MTUS1: variants seen among roughly 807,000 people sequenced by gnomAD.
MTUS1 encodes microtubule-associated tumor suppressor 1.
A neutral mutation model predicts 120.8 loss-of-function variants in MTUS1; 109 were observed. That is an observed-to-expected ratio of 0.90 (90% confidence interval 0.77 to 1.06). MTUS1 has a LOEUF of 1.06. Ranked by LOEUF, MTUS1 falls within the 50% of genes least tolerant of loss-of-function variation. MTUS1 has a pLI of 0.00. For missense variants in MTUS1, 2,210 were observed against 1,486.3 expected (o/e 1.49, Z -8.01); for synonymous variants, 737 against 550.5 (o/e 1.34, Z -4.74).
intron 1 of MTUS1, among the ~76,000 whole-genome samples, chr8:17,773,214 A>T (rs1258115585): frequency 6.6e-6 from 1 of 152,226 alleles, no homozygotes; most frequent in Non-Finnish European, 1.5e-5. Context: ...ATTAAACATC[A>T]CTGCAAATCA....
Position 17,754,704 on chromosome 8 carries a change from C to G in MTUS1, c.1104G>C (p.Glu368Asp), listed in dbSNP as rs765661682. ...TGTCTTCAGTCTCAGTGACTTTATG[C>G]TCTGGGTTCAGCACTTGAGCTTCGC... ...DKSEAQVLNP[E>D]HKVTETEDTQ... Residue 368 changes from glutamate to aspartate, a missense_variant, in exon 2 of 15, where the codon GAG (glutamate) becomes GAC (aspartate). Glu to Asp is a conservative substitution (Grantham distance 45). Coordinates refer to ENST00000693296, the MANE Select transcript of MTUS1 (RefSeq NM_001363059.2). 9.3e-6 allele frequency: 15 copies of G among 1,614,240 alleles called. No homozygotes were observed. The highest frequency in any genetic ancestry group is 1.3e-5 in the Non-Finnish European group (15 of 1,180,050).
chr8:17,754,977 A>G lies in MTUS1; in HGVS notation c.831T>C (p.Asp277=). ...CTCCAACTAGTCTTTGTTGTGATCCATCTGTGTACTCACTGGTGACCTTTC... is the reference window on the plus strand; with the variant it reads ...CTCCAACTAGTCTTTGTTGTGATCCGTCTGTGTACTCACTGGTGACCTTTC... ...SSGKVTSEYT[D]GSQQRLVGEK... Residue 277 remains aspartate (D), a synonymous_variant, in exon 2 of 15, where the codon GAT becomes GAC. Transcript: ENST00000693296. 6.2e-7 allele frequency: 1 copy of G among 1,614,064 alleles called. No homozygotes were observed. The highest frequency in any genetic ancestry group is 8.5e-7 in the Non-Finnish European group (1 of 1,179,978).
chr8:17,742,269 GTTTTTTTTTTTTGTTGTTGTTGTTTTT>G (rs2047374235), intron 3 of MTUS1, among the ~76,000 whole-genome samples: 2 of 94,900 alleles, frequency 2.1e-5, no homozygotes, highest in African/African-American at 8.6e-5. Flanking sequence ...ATGCCCAGCT[GTTTTTTTTTTTTGTTGTTGTTGTTTTT>G]TTTTTTTTTT....
rs907008330 is a variant in MTUS1, at chr8:17,645,018, G to C, written c.*908C>G. 7 of 151,762 alleles carry C rather than the reference G, an allele frequency of 4.6e-5. No homozygotes were observed. The highest frequency in any genetic ancestry group is 1.7e-4 in the African/African-American group (7 of 41,078). 9.4% of individuals were successfully genotyped at this position (151,762 alleles called of 1,614,324 possible). Reference sequence around the variant, plus strand: ...GTAGATCAAAGGTAAAAATAAGGTGGAAAAACCCATTGGTACTTCCCTTTT... The same window carrying C: ...GTAGATCAAAGGTAAAAATAAGGTGCAAAAACCCATTGGTACTTCCCTTTT... On this transcript the variant is annotated 3_prime_UTR_variant, in exon 15 of 15. Transcript: ENST00000693296.
intron 6 of MTUS1, among the ~76,000 whole-genome samples, chr8:17,698,442 T>C (rs1035186899): frequency 6.6e-6 from 1 of 152,192 alleles, no homozygotes; most frequent in Non-Finnish European, 1.5e-5. Context: ...AACAACAATA[T>C]GCCCACTTAA....
chr8:17,776,171 TATAAC>T (rs985241949), intron 1 of MTUS1, among the ~76,000 whole-genome samples: 4 of 152,126 alleles, frequency 2.6e-5, no homozygotes, highest in African/African-American at 9.7e-5. Flanking sequence ...CAAAATACAC[TATAAC>T]ATAACTAGTA....
At chr8:17,765,137 T>C (rs952142292) in intron 1 of MTUS1, among the ~76,000 whole-genome samples, 13 of 152,196 alleles carry the variant, frequency 8.5e-5, no homozygotes, top group African/African-American at 2.9e-4. Flanking sequence ...ACAATAGGGT[T>C]CACACTCCCA....
chr8:17,673,800 G>C (rs6586624), intron 8 of MTUS1, among the ~76,000 whole-genome samples: 33,191 of 152,028 alleles, frequency 0.22, 5,196 homozygotes, highest in African/African-American at 0.45. Flanking sequence ...GATTTCTGCT[G>C]TGGTGAAGGT....
chr8:17,784,172 CA>C (rs2051108946), intron 1 of MTUS1, among the ~76,000 whole-genome samples: 1 of 152,102 alleles, frequency 6.6e-6, no homozygotes, highest in African/African-American at 2.4e-5. Context: ...CCGTTATAGG[CA>C]AAATGGCAGT....
At chr8:17,756,183 G>C (rs2048594424) in intron 1 of MTUS1, among the ~76,000 whole-genome samples, 1 of 152,084 alleles carries the variant, frequency 6.6e-6, no homozygotes, top group African/African-American at 2.4e-5. Flanking sequence ...ATGGAAGATG[G>C]GGTCATTGCT....
chr8:17,721,447 T>C (rs917300758), intron 4 of MTUS1, among the ~76,000 whole-genome samples: 6 of 152,176 alleles, frequency 3.9e-5, no homozygotes, highest in Non-Finnish European at 8.8e-5. Flanking sequence ...TCAAAAAGTC[T>C]TTGATAATAG....
rs1805581605 is a variant in MTUS1, at chr8:17,645,412, G to GGAT, written c.*513_*514insATC. The stretch of plus-strand genomic sequence containing the variant: ...TATGCTGATTGATTGATTATTATTT[G>GGAT]ATTAGTACATATCCAGATATATTCA... On this transcript the variant is annotated 3_prime_UTR_variant, in exon 15 of 15. Transcript: ENST00000693296. The GGAT allele has an allele frequency of 6.5e-6, 1 of 153,246 alleles. No homozygotes were observed. The highest frequency in any genetic ancestry group is 2.4e-5 in the African/African-American group (1 of 41,412). The allele number at this position is 153,246 out of a possible 1,614,324, so 9.5% of individuals were successfully genotyped here. A position where few individuals can be genotyped will look rare whatever the true frequency, so the allele number is the denominator to read the frequency against.
In MTUS1 at chr8:17,725,155, C is replaced by G. The variant is rs575521152; in HGVS notation, c.2288-1322G>C. 3.4e-4 allele frequency among the ~76,000 whole-genome samples: 51 copies of G among 152,232 alleles called. No individual in the cohort carries two copies. In the South Asian group the frequency reaches 9.6e-3, roughly 29 times the overall value. On this transcript the variant is annotated intron_variant, in intron 3 of 14. Coordinates refer to ENST00000693296, the MANE Select transcript of MTUS1 (RefSeq NM_001363059.2). Reference sequence around the variant, plus strand: ...TTCTAGCACTGTCTCCCAATGCTACCAGTACCACCTAACTGAAGACTACCC... The same window carrying G: ...TTCTAGCACTGTCTCCCAATGCTACGAGTACCACCTAACTGAAGACTACCC...
Position 17,755,576 on chromosome 8 carries a change from C to A in MTUS1, c.232G>T (p.Glu78Ter). 1 of 1,614,198 alleles carries A rather than the reference C, an allele frequency of 6.2e-7. No individual in the cohort carries two copies. The highest frequency in any genetic ancestry group is 1.1e-5 in the South Asian group (1 of 91,080). Residue 78 changes from glutamate (E) to a stop codon, truncating the protein, a stop_gained, in exon 2 of 15, where the codon GAA becomes TAA. Coordinates refer to ENST00000693296, the MANE Select transcript of MTUS1 (RefSeq NM_001363059.2). LOFTEE classifies it high-confidence loss of function. ...ENISLSLQGV[E>*]VFGHEKSSSD... Reference sequence around the variant, plus strand: ...GAAGACTTTTCATGACCAAATACTTCAACACCCTGAAGGCTTAAAGAAATA... The same window carrying A: ...GAAGACTTTTCATGACCAAATACTTAAACACCCTGAAGGCTTAAAGAAATA...
Position 17,755,681 on chromosome 8 carries a change from T to G in MTUS1, c.127A>C (p.Ser43Arg). Residue 43 changes from serine to arginine, a missense_variant, in exon 2 of 15, where the codon AGT becomes CGT. Coordinates refer to ENST00000693296, the MANE Select transcript of MTUS1 (RefSeq NM_001363059.2). The part of the protein sequence containing the change: ...SPPTQNSSAS[S>R]VNWNSANPDD... ...GGGTTGGCAGAATTCCAGTTCACAC[T>G]GCTGGCTGAAGAGTTTTGTGTAGGT... 1 of 1,614,248 alleles carries G rather than the reference T, an allele frequency of 6.2e-7. No homozygotes were observed. The highest frequency in any genetic ancestry group is 2.2e-5 in the East Asian group (1 of 44,892).
At chr8:17,660,892 G>A (rs1809536295) in intron 8 of MTUS1, among the ~76,000 whole-genome samples, 1 of 152,178 alleles carries the variant, frequency 6.6e-6, no homozygotes, top group African/African-American at 2.4e-5. Flanking sequence ...AACTCACAAA[G>A]CAGAGAAGAT....
intron 3 of MTUS1, among the ~76,000 whole-genome samples, chr8:17,743,043 A>G (rs1171852141): frequency 6.6e-6 from 1 of 150,948 alleles, no homozygotes; most frequent in Non-Finnish European, 1.5e-5. Flanking sequence ...ATTTAGTATG[A>G]TACTTAATAG....
At chr8:17,722,016 G>C in intron 4 of MTUS1, 1 of 1,404,318 alleles carries the variant, frequency 7.1e-7, no homozygotes, top group East Asian at 2.5e-5. Flanking sequence ...AAATGCGTAA[G>C]CTCCAAGGCA....
intron 4 of MTUS1, among the ~76,000 whole-genome samples, chr8:17,716,183 G>A (rs1379101725): frequency 2.0e-5 from 3 of 152,148 alleles, no homozygotes; most frequent in Non-Finnish European, 2.9e-5. Context: ...AAGAGTTGGG[G>A]AAGAAATAAT....
Sources: gnomAD v4.1 joint callset for allele counts (sites outside exome capture counted in the v4.1 genomes callset) on GRCh38, gnomAD v4.1.1 for gene constraint, MANE v1.5 for transcripts, NCBI Gene and HGNC (gene_info 2026-07-23, HGNC 2026-07-21) for gene names.